BRD9: variants seen among roughly 807,000 people sequenced by gnomAD.
BRD9 encodes the protein bromodomain containing 9, also known as bromodomain-containing protein 9.
In BRD9, 47 loss-of-function variants were observed where a neutral mutation model predicts 68.7. The observed-to-expected ratio is 0.68, with a 90% confidence interval of 0.54 to 0.87. The LOEUF (loss-of-function observed/expected upper bound fraction) is 0.87, where lower values mean the gene tolerates loss of function less well. Ranked by LOEUF, BRD9 falls within the 40% of genes least tolerant of loss-of-function variation. BRD9 has a pLI of 0.00. For synonymous variants in BRD9, 313 were observed against 293.9 expected, an observed-to-expected ratio of 1.06 and a Z score of -0.67; for missense variants, 670 against 748.4, an observed-to-expected ratio of 0.90 and a Z score of 1.22.
intron 12 of BRD9, among the ~76,000 whole-genome samples, chr5:874,070 C>A (rs1359673381): frequency 1.3e-5 from 2 of 152,224 alleles, no homozygotes; most frequent in Non-Finnish European, 2.9e-5. Context: ...CAGCCTTGCC[C>A]AGCAGACATA....
intron 1 of BRD9, 31 bp from the exon 2 acceptor site, chr5:891,885 G>T: frequency 6.5e-7 from 1 of 1,548,568 alleles, no homozygotes; most frequent in Non-Finnish European, 8.7e-7. Flanking sequence ...TTCTACCCGC[G>T]TGCTCAGGTG....
At chr5:871,619 G>T in intron 12 of BRD9, 55 bp from the exon 13 acceptor site, 2 of 1,532,998 alleles carry the variant, frequency 1.3e-6, no homozygotes, top group South Asian at 1.1e-5. Context: ...TCATAGAAAC[G>T]GACAATTCGC....
chr5:885,319 C>G (rs77584573), intron 7 of BRD9, among the ~76,000 whole-genome samples: 13,800 of 152,308 alleles, frequency 0.091, 926 homozygotes, highest in East Asian at 0.19. Flanking sequence ...ACCCTGTCTC[C>G]TAAGCCAAGG....
intron 7 of BRD9, among the ~76,000 whole-genome samples, chr5:885,640 G>A (rs1752440896): frequency 6.6e-6 from 1 of 152,248 alleles, no homozygotes; most frequent in Non-Finnish European, 1.5e-5. Context: ...AGTCCTCTCA[G>A]GATACTGGGA....
chr5:885,881 G>A (rs772296363), intron 7 of BRD9, among the ~76,000 whole-genome samples: 11 of 152,212 alleles, frequency 7.2e-5, no homozygotes, highest in Non-Finnish European at 1.5e-4. Flanking sequence ...GTGGAGGAGC[G>A]TCTACAGGAA....
rs746272978 is a variant in BRD9 at position 864,483 on chromosome 5, G to A, written c.1779C>T (p.Ala593=). The A allele has an allele frequency of 6.2e-7, 1 of 1,612,970 alleles. No homozygotes were observed. Among genetic ancestry groups the A allele is most frequent in the Non-Finnish European group, 8.5e-7 (1 of 1,179,122 alleles). The change falls in exon 16 of 16, where the codon GCC becomes GCT. Residue 593 remains alanine (A), a synonymous_variant. Coordinates refer to ENST00000467963, the MANE Select transcript of BRD9 (RefSeq NM_023924.5). ...YEFLQSPEPA[A]SAKT ...TGGTCTAGAGTTAGGTCTTGGCAGAGGCCGCAGGCTCTGGAGACTGAAGAA... is the reference window on the plus strand; with the variant it reads ...TGGTCTAGAGTTAGGTCTTGGCAGAAGCCGCAGGCTCTGGAGACTGAAGAA...
intron 4 of BRD9, 86 bp from the exon 5 acceptor site, chr5:889,251 G>T: frequency 7.2e-7 from 1 of 1,386,246 alleles, no homozygotes; most frequent in Non-Finnish European, 9.7e-7. Flanking sequence ...GGATACAACT[G>T]ACCGAATTTT....
At chr5:891,965 G>T in intron 1 of BRD9, 111 bp from the exon 2 acceptor site, 1 of 1,455,442 alleles carries the variant, frequency 6.9e-7, no homozygotes, top group South Asian at 1.4e-5. Context: ...AGTACAGCGG[G>T]GCTGCCAACC....
intron 8 of BRD9, chr5:883,433 C>T (rs763330701): frequency 2.2e-6 from 1 of 457,032 alleles, no homozygotes; most frequent in South Asian, 1.5e-5. Flanking sequence ...ACTGAAGACA[C>T]TGGGTCTAGA....
chr5:881,345 G>C, intron 8 of BRD9, 163 bp from the exon 9 acceptor site: 3 of 684,616 alleles, frequency 4.4e-6, no homozygotes, highest in Non-Finnish European at 7.6e-6. Context: ...CAGACTCACC[G>C]GCAACAGCAG....
rs200294236 is a variant in BRD9 at position 886,595 on chromosome 5, A to G, written c.830T>C (p.Ile277Thr). 3.8e-5 allele frequency: 61 copies of G among 1,613,366 alleles called. No individual in the cohort carries two copies. Among genetic ancestry groups the G allele is most frequent in the Non-Finnish European group, 4.7e-5 (56 of 1,179,682 alleles). Residue 277 changes from isoleucine (I) to threonine (T), a missense_variant, in exon 7 of 16, where the codon ATC becomes ACC. Transcript: ENST00000467963. ...GTGGTTTCCACAGAACCTTTACCTG[A>G]TAACTTCTCTACTCGGCTTTTTGGA... ...KKSKKPSREV[I>T]SCMFEPEGNA...
At chr5:883,212 A>ACATCC in intron 8 of BRD9, 1 of 410,308 alleles carries the variant, frequency 2.4e-6, no homozygotes, top group Non-Finnish European at 4.9e-6. Context: ...AGCGTTCTTT[A>ACATCC]CATCCCATCC....
chr5:887,801 C>T (rs547680889), intron 5 of BRD9, among the ~76,000 whole-genome samples: 80 of 152,256 alleles, frequency 5.3e-4, no homozygotes, highest in South Asian at 1.2e-3. Context: ...AGCAACGACC[C>T]GATTCTTTCA....
At chr5:884,871 G>A (rs1752315158) in intron 7 of BRD9, among the ~76,000 whole-genome samples, 1 of 152,252 alleles carries the variant, frequency 6.6e-6, no homozygotes, top group Non-Finnish European at 1.5e-5. Flanking sequence ...TTACCGATGC[G>A]CACTGCTGTG....
rs562118581 is a variant in BRD9, at chr5:875,166, G to A, written c.1383+935C>T. Among the ~76,000 whole-genome samples, 117 of 152,320 alleles carry A rather than the reference G, an allele frequency of 7.7e-4. No homozygotes were observed. In the South Asian group the frequency reaches 9.7e-3, roughly 13 times the overall value. On this transcript the variant is annotated intron_variant, in intron 12 of 15. Coordinates refer to ENST00000467963, the MANE Select transcript of BRD9 (RefSeq NM_023924.5). ...GCCGAGGGCCCGGGAGTGAGCAGCC[G>A]AGGCTCTGTGAGCCACACGCTGCCC...
intron 8 of BRD9, chr5:881,489 C>T (rs1308657035): frequency 2.3e-6 from 1 of 442,468 alleles, no homozygotes; most frequent in East Asian, 4.5e-5. Context: ...ATGGAACGGT[C>T]AGCAGGTCAG....
intron 15 of BRD9, 124 bp downstream of exon 15, chr5:865,290 C>A: frequency 7.6e-7 from 1 of 1,316,530 alleles, no homozygotes; most frequent in Non-Finnish European, 1.0e-6. Flanking sequence ...ACCTCCACAA[C>A]AGCACCGCTG....
At position 864,500 on chromosome 5, in the gene BRD9, A is replaced by G. The variant is rs768347792; in HGVS notation, c.1762T>C (p.Ser588Pro). The G allele has an allele frequency of 6.2e-7, 1 of 1,613,988 alleles. No homozygotes were observed. The highest frequency in any genetic ancestry group is 8.5e-7 in the Non-Finnish European group (1 of 1,179,894). ...VTHDPYEFLQSPEPAASAKT is the reference protein window; with the variant it reads ...VTHDPYEFLQPPEPAASAKT ...TTGGCAGAGGCCGCAGGCTCTGGAG[A>G]CTGAAGAAACTCATAGGGGTCGTGG... is the stretch of plus-strand genomic sequence containing the variant. Residue 588 changes from serine to proline, a missense_variant, in exon 16 of 16, where the codon TCT (serine) becomes CCT (proline). Ser to Pro is a moderately conservative substitution (Grantham distance 74). Transcript: ENST00000467963.
chr5:872,062 G>A (rs770498569), intron 12 of BRD9, among the ~76,000 whole-genome samples: 1 of 152,164 alleles, frequency 6.6e-6, no homozygotes, highest in African/African-American at 2.4e-5. Flanking sequence ...CGTGGGCGCA[G>A]GAGCGAAGGA....
Sources: allele counts gnomAD v4.1 joint callset (sites outside exome capture counted in the v4.1 genomes callset), GRCh38; gene constraint gnomAD v4.1.1; transcripts MANE v1.5; gene names NCBI Gene and HGNC (gene_info 2026-07-23, HGNC 2026-07-21).